Variants in TJP1 observed in about 807,000 individuals in gnomAD.
TJP1 encodes tight junction protein 1, also known as tight junction protein ZO-1.
TJP1 carries 43 observed loss-of-function variants against 194.2 expected under a neutral mutation model. The ratio of observed to expected loss-of-function variants is 0.22; its 90% CI spans 0.17 to 0.29. The LOEUF (loss-of-function observed/expected upper bound fraction) is 0.29. Among genes scored for constraint, TJP1 ranks in the 10% least tolerant of loss-of-function variants. TJP1 has a pLI of 1.00. For missense variants in TJP1, 1,971 were observed against 2,185.7 expected, an observed-to-expected ratio of 0.90 and a Z score of 1.96; for synonymous variants, 801 against 779.0, an observed-to-expected ratio of 1.03 and a Z score of -0.47.
chr15:29,872,002 T>A (rs148803900), intron 2 of TJP1, among the ~76,000 whole-genome samples: 1 of 152,342 alleles, frequency 6.6e-6, no homozygotes, highest in East Asian at 1.9e-4. Context: ...AGTACAGGTC[T>A]GAACACACAG....
At chr15:29,857,891 A>G (rs573337831) in intron 2 of TJP1, among the ~76,000 whole-genome samples, 4 of 152,220 alleles carry the variant, frequency 2.6e-5, no homozygotes, top group African/African-American at 9.6e-5. Context: ...CCTCCGGACT[A>G]GCTGGGATTA....
intron 7 of TJP1, 122 bp downstream of exon 7, chr15:29,761,479 T>C: frequency 7.4e-7 from 1 of 1,350,260 alleles, no homozygotes; most frequent in Non-Finnish European, 1.0e-6. Flanking sequence ...ATATAAAACT[T>C]ATAGATTTTG....
intron 2 of TJP1, among the ~76,000 whole-genome samples, chr15:29,938,383 CTTATG>C (rs944876646): frequency 4.6e-5 from 7 of 152,096 alleles, no homozygotes; most frequent in African/African-American, 1.7e-4. Context: ...ACAAAGATGG[CTTATG>C]TTATATTAAA....
At chr15:29,722,497 G>T (rs2042989579) in intron 18 of TJP1, among the ~76,000 whole-genome samples, 1 of 151,586 alleles carries the variant, frequency 6.6e-6, no homozygotes, top group Non-Finnish European at 1.5e-5. Context: ...GGGAGCCTCT[G>T]CCTAGATTTC....
intron 8 of TJP1, among the ~76,000 whole-genome samples, chr15:29,745,858 G>A (rs1268239662): frequency 6.6e-6 from 1 of 152,126 alleles, no homozygotes; most frequent in Non-Finnish European, 1.5e-5. Flanking sequence ...TTCAAATCCT[G>A]ATCTCTTAAT....
At chr15:29,945,144 G>A (rs1317859193) in intron 2 of TJP1, among the ~76,000 whole-genome samples, 1 of 152,146 alleles carries the variant, frequency 6.6e-6, no homozygotes, top group Non-Finnish European at 1.5e-5. Flanking sequence ...CCCCTCTGGT[G>A]TTTCAAGTAT....
intron 15 of TJP1, 58 bp from the exon 16 acceptor site, chr15:29,728,077 T>G: frequency 7.0e-7 from 1 of 1,424,988 alleles, no homozygotes; most frequent in East Asian, 2.3e-5. Flanking sequence ...TAGACAGGAG[T>G]TTCTCAACTA....
intron 2 of TJP1, among the ~76,000 whole-genome samples, chr15:29,846,075 C>A (rs777660914): frequency 1.9e-4 from 29 of 152,156 alleles, no homozygotes; most frequent in Non-Finnish European, 3.5e-4. Context: ...ACACACTTAA[C>A]TCCTATCTTT....
At chr15:29,925,331 C>T (rs1306739756) in intron 2 of TJP1, among the ~76,000 whole-genome samples, 1 of 152,222 alleles carries the variant, frequency 6.6e-6, no homozygotes. Context: ...CAAGTGCTCT[C>T]CAGCCCAGGA....
intron 2 of TJP1, among the ~76,000 whole-genome samples, chr15:29,926,218 TA>T (rs546218153): frequency 4.3e-4 from 65 of 152,384 alleles, no homozygotes; most frequent in Non-Finnish European, 7.5e-4. Flanking sequence ...CAAAAGCTGA[TA>T]TTTTTTTAAA....
At chr15:29,946,136 C>T (rs1321025455) in intron 2 of TJP1, among the ~76,000 whole-genome samples, 1 of 152,206 alleles carries the variant, frequency 6.6e-6, no homozygotes, top group African/African-American at 2.4e-5. Flanking sequence ...GGAGCTCCCA[C>T]TGTCTAAATC....
At chr15:29,738,571 C>G (rs1477760383) in intron 10 of TJP1, among the ~76,000 whole-genome samples, 2 of 152,118 alleles carry the variant, frequency 1.3e-5, no homozygotes, top group Non-Finnish European at 2.9e-5. Context: ...TGGCTGGTGG[C>G]ATCCTTGATC....
At chr15:29,712,669 G>A (rs1368843571) in intron 23 of TJP1, among the ~76,000 whole-genome samples, 5 of 152,156 alleles carry the variant, frequency 3.3e-5, no homozygotes, top group African/African-American at 1.2e-4. Context: ...TTACTGCAGT[G>A]AAAAGCAATG....
intron 2 of TJP1, among the ~76,000 whole-genome samples, chr15:29,835,889 A>AAG (rs143484883): frequency 4.6e-4 from 69 of 149,620 alleles, no homozygotes; most frequent in Middle Eastern, 3.5e-3. Flanking sequence ...TGGACGGGGA[A>AAG]AGAGAGAGAG....
chr15:29,717,077 A>G (rs772215303), intron 22 of TJP1, among the ~76,000 whole-genome samples: 1 of 152,222 alleles, frequency 6.6e-6, no homozygotes, highest in Non-Finnish European at 1.5e-5. Flanking sequence ...ATAATAAGCT[A>G]AACGATTACA....
intron 2 of TJP1, among the ~76,000 whole-genome samples, chr15:29,853,215 T>C (rs1230454720): frequency 1.3e-5 from 2 of 152,184 alleles, no homozygotes; most frequent in African/African-American, 2.4e-5. Flanking sequence ...ATTTTAAAAA[T>C]GGAGGATAGA....
intron 2 of TJP1, among the ~76,000 whole-genome samples, chr15:29,888,240 T>G (rs2053187660): frequency 6.6e-6 from 1 of 152,082 alleles, no homozygotes; most frequent in Non-Finnish European, 1.5e-5. Context: ...ATTTAAACAC[T>G]ATTATATCCA....
chr15:29,883,413 A>G (rs1025186703), intron 2 of TJP1, among the ~76,000 whole-genome samples: 61 of 152,178 alleles, frequency 4.0e-4, no homozygotes, highest in African/African-American at 1.3e-3. Context: ...TGCTTGCTCA[A>G]ATAACTTATA....
intron 2 of TJP1, among the ~76,000 whole-genome samples, chr15:29,949,703 A>ACCACCTCCATCACCT: frequency 9.7e-6 from 1 of 103,364 alleles, no homozygotes; most frequent in African/African-American, 3.4e-5. Flanking sequence ...CTCCACCACC[A>ACCACCTCCATCACCT]CCACCTCCAT....
Sources: allele counts gnomAD v4.1 joint callset (sites outside exome capture counted in the v4.1 genomes callset), GRCh38; gene constraint gnomAD v4.1.1; transcripts MANE v1.5; gene names NCBI Gene and HGNC (gene_info 2026-07-23, HGNC 2026-07-21).